The following BIRC6 variants were observed in gnomAD, a reference collection of about 807,000 sequenced individuals.
The protein encoded by BIRC6 is baculoviral IAP repeat containing 6.
Under a neutral mutation model 503.3 loss-of-function variants are expected in BIRC6, and 98 were observed. That is an observed-to-expected ratio of 0.19 (90% CI 0.17 to 0.23). The LOEUF (loss-of-function observed/expected upper bound fraction) is 0.23, where lower values mean the gene tolerates loss of function less well. Among genes scored for constraint, BIRC6 ranks in the 10% least tolerant of loss-of-function variants. The pLI, the probability that BIRC6 is intolerant of heterozygous loss-of-function variation, is 1.00. For missense variants in BIRC6, 5,360 were observed against 5,806.0 expected, an observed-to-expected ratio of 0.92 and a Z score of 2.50; for synonymous variants, 2,240 against 2,078.7, an observed-to-expected ratio of 1.08 and a Z score of -2.11.
rs2054222076 is a variant in BIRC6 at position 32,509,887 on chromosome 2, A to G, written c.10130A>G (p.Asn3377Ser). ...CCTTACTGTGGAATGCATTCACCCA[A>G]CATCGAGGTTGTGCTTGTAAAGATA... The part of the protein sequence containing the change: ...MSPYCGMHSP[N>S]IEVVLVKIGL... Residue 3377 changes from asparagine to serine, a missense_variant, in exon 52 of 74, where the codon AAC becomes AGC. By Grantham distance (46) the Asn-to-Ser change is conservative. Around this residue, in one of 16 missense-constraint regions of BIRC6, gnomAD observed 878 missense variants for 928.9 expected, o/e 0.95. Transcript: ENST00000421745. The G allele has an allele frequency of 6.8e-6, 11 of 1,613,864 alleles. No homozygotes were observed. The highest frequency in any genetic ancestry group is 8.5e-6 in the Non-Finnish European group (10 of 1,179,888).
intron 20 of BIRC6, among the ~76,000 whole-genome samples, 161 bp from the exon 21 acceptor site, chr2:32,445,360 C>T (rs2045848319): frequency 6.6e-6 from 1 of 152,170 alleles, no homozygotes; most frequent in Non-Finnish European, 1.5e-5. Flanking sequence ...TTGATCCCTC[C>T]AAGGAGTTAT....
At chr2:32,504,518 T>G (rs753209074) in intron 49 of BIRC6, among the ~76,000 whole-genome samples, 232 of 151,748 alleles carry the variant, frequency 1.5e-3, no homozygotes, top group Non-Finnish European at 2.8e-3. Flanking sequence ...ATACAAAAAA[T>G]TAGCTGGGCG....
At chr2:32,440,853 A>C (rs72798796) in intron 16 of BIRC6, among the ~76,000 whole-genome samples, 11,690 of 151,692 alleles carry the variant, frequency 0.077, 558 homozygotes, top group Admixed American at 0.15. Flanking sequence ...GCCTCCACCC[A>C]CTGAGTTCAA....
chr2:32,559,668 C>T (rs918364732), intron 65 of BIRC6, among the ~76,000 whole-genome samples: 1 of 149,158 alleles, frequency 6.7e-6, no homozygotes, highest in Admixed American at 6.8e-5. Context: ...TAAATCAGCT[C>T]TACATTAGTT....
intron 50 of BIRC6, among the ~76,000 whole-genome samples, chr2:32,506,423 A>G (rs557238359): frequency 7.2e-5 from 11 of 152,380 alleles, no homozygotes; most frequent in African/African-American, 2.4e-4. Context: ...ATATAAAGGT[A>G]GAAGGAAAAT....
intron 44 of BIRC6, among the ~76,000 whole-genome samples, chr2:32,491,982 T>C (rs764279439): frequency 6.6e-6 from 1 of 152,142 alleles, no homozygotes; most frequent in South Asian, 2.1e-4. Flanking sequence ...ACAATATTGC[T>C]CAGGACTTAT....
Position 32,490,104 on chromosome 2 carries a change from G to T in BIRC6, c.8159G>T (p.Cys2720Phe), listed in dbSNP as rs1451521752. The change falls in exon 43 of 74, where the codon TGC becomes TTC. Residue 2720 changes from cysteine (C) to phenylalanine (F), a missense_variant. Physicochemically the swap from Cys to Phe is radical, Grantham distance 205. Transcript: ENST00000421745. ...CCCAATACTTTGCTCCGGACATGGT[G>T]CCTTGTGCTTCATAGCCTAACACTC... The part of the protein sequence containing the change: ...WYPNTLLRTW[C>F]LVLHSLTLMT... The T allele has an allele frequency of 5.6e-6, 9 of 1,613,474 alleles. No homozygotes were observed. In the East Asian group the frequency reaches 2.0e-4, roughly 36 times the overall value.
chr2:32,583,188 G>C (rs2060799359), intron 66 of BIRC6, among the ~76,000 whole-genome samples: 2 of 152,188 alleles, frequency 1.3e-5, no homozygotes, highest in Non-Finnish European at 2.9e-5. Context: ...ACACTGTAAG[G>C]TGGCAGCTAG....
At chr2:32,603,877 A>ATG (rs2062241165) in intron 71 of BIRC6, among the ~76,000 whole-genome samples, 2 of 151,488 alleles carry the variant, frequency 1.3e-5, no homozygotes, top group South Asian at 4.2e-4. Flanking sequence ...ATATAAATAT[A>ATG]TGTATATATA....
rs376117575 is a variant in BIRC6 at position 32,420,341 on chromosome 2, A to C, written c.2872+4178A>C. ...CGCCAGTGAAGCTCTTTGGGCCCAG[A>C]GATTTTTTTTAGTGGGAAGATTTTG... On this transcript the variant is annotated intron_variant, in intron 10 of 73. Transcript: ENST00000421745. Among the ~76,000 whole-genome samples the C allele has an allele frequency of 4.6e-5, 7 of 152,064 alleles. No individual in the cohort carries two copies. The South Asian group carries it at 1.5e-3, about 32-fold the overall frequency.
intron 1 of BIRC6, 96 bp from the exon 2 acceptor site, chr2:32,377,492 G>C (rs2036984110): frequency 4.0e-6 from 4 of 990,114 alleles, no homozygotes; most frequent in Non-Finnish European, 4.2e-6. Flanking sequence ...ATCCAATTCA[G>C]GATAATATAT....
chr2:32,593,983 C>T lies in BIRC6; in HGVS notation c.13424C>T (p.Thr4475Ile). The T allele has an allele frequency of 1.9e-6, 3 of 1,613,648 alleles. No individual in the cohort carries two copies. Among genetic ancestry groups the T allele is most frequent in the Non-Finnish European group, 2.5e-6 (3 of 1,179,618 alleles). The change falls in exon 67 of 74, where the codon ACT becomes ATT. Residue 4475 changes from threonine to isoleucine, a missense_variant. Physicochemically the swap from Thr to Ile is moderately conservative, Grantham distance 89. Coordinates refer to ENST00000421745, the MANE Select transcript of BIRC6 (RefSeq NM_016252.4). Reference sequence around the variant, plus strand: ...TCTGATCAAGAACCAGAAGGACTTACTCTTTTGGTACCAGACATCCAAAAG... The same window carrying T: ...TCTGATCAAGAACCAGAAGGACTTATTCTTTTGGTACCAGACATCCAAAAG... ...DASDQEPEGL[T>I]LLVPDIQKTA...
chr2:32,601,018 A>T (rs2062018640), intron 70 of BIRC6, among the ~76,000 whole-genome samples: 1 of 152,222 alleles, frequency 6.6e-6, no homozygotes, highest in African/African-American at 2.4e-5. Flanking sequence ...ATAGCAAAAA[A>T]ATCTCATAAT....
Position 32,415,150 on chromosome 2 carries a change from C to A in BIRC6, c.1859C>A (p.Ser620Tyr). ...TCCTGCACTAATTCAGAACTAAATT[C>A]TCCTCTGGTAAGGAGGACTTTACCG... Reference protein sequence around the residue: ...NESCTNSELNSPLVRRTLPVL... With the variant: ...NESCTNSELNYPLVRRTLPVL... Residue 620 changes from serine to tyrosine, a missense_variant, in exon 10 of 74, where the codon TCT becomes TAT. Ser to Tyr is a moderately radical substitution (Grantham distance 144). Around this residue, in one of 16 missense-constraint regions of BIRC6, gnomAD observed 700 missense variants for 739.3 expected, o/e 0.95. Coordinates refer to ENST00000421745, the MANE Select transcript of BIRC6 (RefSeq NM_016252.4). The A allele has an allele frequency of 6.2e-7, 1 of 1,613,996 alleles. No homozygotes were observed. The highest frequency in any genetic ancestry group is 8.5e-7 in the Non-Finnish European group (1 of 1,179,868).
At chr2:32,517,847 C>G (rs993707674) in intron 55 of BIRC6, among the ~76,000 whole-genome samples, 2 of 152,058 alleles carry the variant, frequency 1.3e-5, no homozygotes, top group African/African-American at 4.8e-5. Context: ...TCCCAAAGTT[C>G]TGAGATTATC....
chr2:32,411,474 G>T (rs896744825), intron 9 of BIRC6, among the ~76,000 whole-genome samples: 2 of 132,216 alleles, frequency 1.5e-5, no homozygotes, highest in African/African-American at 2.8e-5. Context: ...TTCGAAAATC[G>T]CCTAGAGTGG....
chr2:32,502,680 G>A lies in BIRC6; in HGVS notation c.9208-115G>A, dbSNP rs898841373. 73 of 654,162 alleles carry A rather than the reference G, an allele frequency of 1.1e-4. 1 individual carries two copies. The highest frequency in any genetic ancestry group is 7.4e-4 in the East Asian group (24 of 32,488). 40.5% of individuals were successfully genotyped at this position (654,162 alleles called of 1,614,324 possible). ...TTTTGGCAGACATTTTGTATTTAGCGTATTTAAGGCTGTCAGTTTACAAAA... is the reference window on the plus strand; with the variant it reads ...TTTTGGCAGACATTTTGTATTTAGCATATTTAAGGCTGTCAGTTTACAAAA... On this transcript the variant is annotated intron_variant, in intron 47 of 73. Transcript: ENST00000421745.
intron 39 of BIRC6, among the ~76,000 whole-genome samples, chr2:32,483,399 T>C (rs2050638502): frequency 6.6e-6 from 1 of 152,226 alleles, no homozygotes; most frequent in South Asian, 2.1e-4. Flanking sequence ...CTAGAACCAT[T>C]TGAGAGTACG....
Position 32,477,595 on chromosome 2 carries a change from A to AT in BIRC6, c.7068+13dup, listed in dbSNP as rs757925389. 1.2e-6 allele frequency: 2 copies of AT among 1,608,140 alleles called. No homozygotes were observed. ...TGTTTGTTTGTAAGGTATGTAAACT[A>AT]TAAGTGTAGACTTACAGGGTTGGCC... is the stretch of plus-strand genomic sequence containing the variant. On this transcript the variant is annotated intron_variant, in intron 35 of 73. Coordinates refer to ENST00000421745, the MANE Select transcript of BIRC6 (RefSeq NM_016252.4).
Sources: gnomAD v4.1 joint callset for allele counts (sites outside exome capture counted in the v4.1 genomes callset) on GRCh38, gnomAD v4.1.1 for gene constraint, gnomAD v4.1.1 regional missense constraint, MANE v1.5 for transcripts, NCBI Gene and HGNC (gene_info 2026-07-23, HGNC 2026-07-21) for gene names.